The following SLC24A3 variants were observed in gnomAD, a reference collection of about 807,000 sequenced individuals.
The protein encoded by SLC24A3 is sodium/potassium/calcium exchanger 3.
SLC24A3 carries 28 observed loss-of-function variants against 75.8 expected under a neutral mutation model. The observed-to-expected ratio is 0.37, with a 90% CI of 0.27 to 0.51. The LOEUF is 0.51. Among genes scored for constraint, SLC24A3 ranks in the 20% least tolerant of loss-of-function variants. SLC24A3 has a pLI of 0.94. For missense variants in SLC24A3, 663 were observed against 847.8 expected (o/e 0.78, Z 2.71); for synonymous variants, 372 against 334.1 (o/e 1.11, Z -1.24).
chr20:19,544,435 G>A (rs1016192993), intron 3 of SLC24A3, among the ~76,000 whole-genome samples: 1 of 152,150 alleles, frequency 6.6e-6, no homozygotes, highest in South Asian at 2.1e-4. Context: ...TCAACAGAGA[G>A]CTCGAAAGAA....
rs186343604 is a variant in SLC24A3 at position 19,436,642 on chromosome 20, T to C, written c.272-78846T>C. On this transcript the variant is annotated intron_variant, in intron 2 of 16. Coordinates refer to ENST00000328041, the MANE Select transcript of SLC24A3 (RefSeq NM_020689.4). ...ACTCTTTTCTTGGTGTGTATTCATGTATCTGCTTTCACAGGCAGCCGGGTC... is the reference window on the plus strand; with the variant it reads ...ACTCTTTTCTTGGTGTGTATTCATGCATCTGCTTTCACAGGCAGCCGGGTC... Among the ~76,000 whole-genome samples the C allele has an allele frequency of 2.3e-4, 35 of 152,344 alleles. No individual in the cohort carries two copies. In the East Asian group the frequency reaches 6.2e-3, roughly 27 times the overall value.
In SLC24A3 at chr20:19,507,923, G is replaced by A. The variant is rs540746334; in HGVS notation, c.272-7565G>A. ...TGTCCTCTTTCATGTATCCCAGCCTGGTGGGTGCTGATGACAAAGAGAGAA... is the reference window on the plus strand; with the variant it reads ...TGTCCTCTTTCATGTATCCCAGCCTAGTGGGTGCTGATGACAAAGAGAGAA... On this transcript the variant is annotated intron_variant, in intron 2 of 16. Transcript: ENST00000328041. 2.3e-4 allele frequency among the ~76,000 whole-genome samples: 35 copies of A among 152,294 alleles called. No individual in the cohort carries two copies. The South Asian group carries it at 7.0e-3, about 31-fold the overall frequency.
At chr20:19,673,467 A>G in intron 8 of SLC24A3, 134 bp from the exon 9 acceptor site, 1 of 708,322 alleles carries the variant, frequency 1.4e-6, no homozygotes, top group South Asian at 1.7e-5. Context: ...AGACCAGGAA[A>G]TATCCGTCAC....
At chr20:19,350,427 A>G (rs962787119) in intron 2 of SLC24A3, among the ~76,000 whole-genome samples, 3 of 151,588 alleles carry the variant, frequency 2.0e-5, no homozygotes, top group Non-Finnish European at 2.9e-5. Flanking sequence ...GTGCTATTGC[A>G]TTTAGGAAAC....
chr20:19,395,437 T>G (rs971116039), intron 2 of SLC24A3, among the ~76,000 whole-genome samples: 1 of 152,222 alleles, frequency 6.6e-6, no homozygotes, highest in Non-Finnish European at 1.5e-5. Flanking sequence ...TCTGTCTAGT[T>G]TGTAGATTTT....
At chr20:19,633,612 G>A (rs910148581) in intron 6 of SLC24A3, among the ~76,000 whole-genome samples, 1 of 130,258 alleles carries the variant, frequency 7.7e-6, no homozygotes, top group African/African-American at 3.0e-5. Flanking sequence ...TCCCGCCACT[G>A]CACTCCAGCC....
intron 3 of SLC24A3, among the ~76,000 whole-genome samples, chr20:19,560,809 T>C (rs2030862784): frequency 6.6e-6 from 1 of 152,200 alleles, no homozygotes; most frequent in Non-Finnish European, 1.5e-5. Context: ...CATCCTTCTG[T>C]TCCATTAGTA....
chr20:19,654,064 T>C lies in SLC24A3; in HGVS notation c.615T>C (p.Val205=), dbSNP rs1279765945. The C allele has an allele frequency of 1.9e-6, 3 of 1,612,632 alleles. No homozygotes were observed. Among genetic ancestry groups the C allele is most frequent in the Non-Finnish European group, 1.7e-6 (2 of 1,178,712 alleles). The change falls in exon 7 of 17, where the codon GTT becomes GTC. Residue 205 remains valine, a splice_region_variant and synonymous_variant. Transcript: ENST00000328041. ...IGVCGLFAGQ[V]VALSSWCLLR... ...ACTTTGTTTCCCTTGTCCTGCAGGT[T>C]GTGGCTCTTTCCTCCTGGTGCCTGC...
At chr20:19,491,738 G>T (rs1445101506) in intron 2 of SLC24A3, among the ~76,000 whole-genome samples, 7 of 152,176 alleles carry the variant, frequency 4.6e-5, no homozygotes, top group Non-Finnish European at 8.8e-5. Context: ...GGAAAGGAGT[G>T]GGAGAGGAAA....
intron 1 of SLC24A3, among the ~76,000 whole-genome samples, chr20:19,219,900 A>C (rs1217879585): frequency 6.6e-6 from 1 of 152,232 alleles, no homozygotes. Flanking sequence ...GGCACTCCAG[A>C]CACTGCGGGG....
At chr20:19,339,109 A>T (rs202101496) in intron 2 of SLC24A3, among the ~76,000 whole-genome samples, 1 of 2,726 alleles carries the variant, frequency 3.7e-4, no homozygotes, top group Middle Eastern at 0.5. Flanking sequence ...TCTTGGACAC[A>T]TAGCCTGACT....
chr20:19,569,029 A>G (rs2031006735), intron 3 of SLC24A3, among the ~76,000 whole-genome samples: 1 of 152,178 alleles, frequency 6.6e-6, no homozygotes, highest in South Asian at 2.1e-4. Flanking sequence ...AGAAATGGAA[A>G]TGGTTCACAA....
chr20:19,572,477 TG>T (rs1375121556), intron 3 of SLC24A3, among the ~76,000 whole-genome samples: 1 of 152,258 alleles, frequency 6.6e-6, no homozygotes, highest in African/African-American at 2.4e-5. Context: ...TCAGGGGTAC[TG>T]ATATGCCAAC....
At chr20:19,634,791 T>C (rs2031979537) in intron 6 of SLC24A3, among the ~76,000 whole-genome samples, 1 of 152,092 alleles carries the variant, frequency 6.6e-6, no homozygotes, top group South Asian at 2.1e-4. Context: ...TTCTGTGTGG[T>C]AGAAATGCTC....
At position 19,220,423 on chromosome 20, in the gene SLC24A3, A is replaced by G. The variant is rs369273870; in HGVS notation, c.142+7439A>G. On this transcript the variant is annotated intron_variant, in intron 1 of 16. Coordinates refer to ENST00000328041, the MANE Select transcript of SLC24A3 (RefSeq NM_020689.4). ...CTTTAGTCAGCCAGTCTGCCATGGA[A>G]TTGAACCCACAGAGGACAGAGAAAG... is the stretch of plus-strand genomic sequence containing the variant. 2.1e-3 allele frequency among the ~76,000 whole-genome samples: 314 copies of G among 152,368 alleles called. 9 individuals carry two copies. The South Asian group carries it at 0.059, about 29-fold the overall frequency.
chr20:19,707,848 T>C (rs932335225), intron 15 of SLC24A3, among the ~76,000 whole-genome samples: 1 of 152,300 alleles, frequency 6.6e-6, no homozygotes, highest in South Asian at 2.1e-4. Context: ...TGTTTGCGGG[T>C]CACCTGAATG....
intron 6 of SLC24A3, among the ~76,000 whole-genome samples, chr20:19,589,751 A>G (rs558661731): frequency 6.6e-6 from 1 of 152,264 alleles, no homozygotes; most frequent in African/African-American, 2.4e-5. Flanking sequence ...GCACCACACT[A>G]GATTCTGTAA....
intron 2 of SLC24A3, among the ~76,000 whole-genome samples, chr20:19,338,191 G>T (rs1196933409): frequency 2.0e-5 from 3 of 152,026 alleles, no homozygotes; most frequent in Admixed American, 1.3e-4. Context: ...AGGAAGTTTC[G>T]CATGGCAAAG....
chr20:19,625,004 T>G (rs2031850894), intron 6 of SLC24A3, among the ~76,000 whole-genome samples: 1 of 152,168 alleles, frequency 6.6e-6, no homozygotes. Context: ...GTTTAAATGT[T>G]TCAGGCTGGG....
Sources: allele counts gnomAD v4.1 joint callset (sites outside exome capture counted in the v4.1 genomes callset), GRCh38; gene constraint gnomAD v4.1.1; transcripts MANE v1.5; gene names NCBI Gene and HGNC (gene_info 2026-07-23, HGNC 2026-07-21).